The following THSD7A variants were observed in gnomAD, a reference collection of about 807,000 sequenced individuals.
The protein encoded by THSD7A is thrombospondin type-1 domain-containing protein 7A.
THSD7A carries 96 observed loss-of-function variants against 231.3 expected under a neutral mutation model. The observed-to-expected ratio is 0.41, with a 90% confidence interval of 0.35 to 0.49. The LOEUF (loss-of-function observed/expected upper bound fraction) is 0.49, where lower values mean the gene tolerates loss of function less well. THSD7A is among the 20% of genes least tolerant of loss of function. The pLI, the probability that THSD7A is intolerant of heterozygous loss-of-function variation, is 0.05. For missense variants in THSD7A, 2,290 were observed against 2,070.2 expected, an observed-to-expected ratio of 1.11 and a Z score of -2.06; for synonymous variants, 940 against 743.3, an observed-to-expected ratio of 1.26 and a Z score of -4.30.
At chr7:11,624,141 C>G (rs1360883441) in intron 2 of THSD7A, among the ~76,000 whole-genome samples, 1 of 152,058 alleles carries the variant, frequency 6.6e-6, no homozygotes, top group African/African-American at 2.4e-5. Context: ...TGAATTTCCA[C>G]TTGAGTTGAT....
intron 1 of THSD7A, among the ~76,000 whole-genome samples, chr7:11,697,638 A>T (rs1396343584): frequency 6.6e-6 from 1 of 151,388 alleles, no homozygotes; most frequent in African/African-American, 2.4e-5. Context: ...AATAATAATC[A>T]TTGATATTTT....
intron 23 of THSD7A, among the ~76,000 whole-genome samples, chr7:11,388,623 G>A (rs1429070017): frequency 1.3e-5 from 2 of 151,890 alleles, no homozygotes; most frequent in Non-Finnish European, 2.9e-5. Context: ...CTATTTTGTT[G>A]ATCTTTTCAA....
intron 23 of THSD7A, among the ~76,000 whole-genome samples, chr7:11,394,998 C>T (rs1335468624): frequency 2.0e-5 from 3 of 152,010 alleles, no homozygotes; most frequent in African/African-American, 4.8e-5. Flanking sequence ...GGGCTAAATG[C>T]CCCAATTAAA....
chr7:11,827,216 C>A (rs1430070759), intron 1 of THSD7A, among the ~76,000 whole-genome samples: 1 of 152,054 alleles, frequency 6.6e-6, no homozygotes, highest in Non-Finnish European at 1.5e-5. Context: ...AAATTCTGGG[C>A]TTTTCCTCCT....
chr7:11,786,379 G>C (rs1027363473), intron 1 of THSD7A, among the ~76,000 whole-genome samples: 1 of 152,048 alleles, frequency 6.6e-6, no homozygotes, highest in Non-Finnish European at 1.5e-5. Context: ...AAACAAACAG[G>C]AGAGCTTGCC....
At chr7:11,434,403 C>G (rs1026344023) in intron 13 of THSD7A, among the ~76,000 whole-genome samples, 2 of 152,052 alleles carry the variant, frequency 1.3e-5, no homozygotes, top group African/African-American at 2.4e-5. Flanking sequence ...AAAGTGGCAA[C>G]TGGAGGACAT....
chr7:11,481,654 C>G, intron 7 of THSD7A, 134 bp downstream of exon 7: 1 of 887,268 alleles, frequency 1.1e-6, no homozygotes, highest in Non-Finnish European at 1.6e-6. Flanking sequence ...AACACATCAA[C>G]AGATATTAAA....
chr7:11,411,911 T>G lies in THSD7A; in HGVS notation c.3683-589A>C, dbSNP rs1273969671. On this transcript the variant is annotated intron_variant, in intron 18 of 27. Coordinates refer to ENST00000423059, the MANE Select transcript of THSD7A (RefSeq NM_015204.3). The surrounding 1 kb of genome is among the most constrained non-coding windows in gnomAD (Gnocchi z 4.1). The stretch of plus-strand genomic sequence containing the variant: ...ACATCCCAGATAACTGTGATTTTTT[T>G]TTTTTGTATCATCAAAGGAAACTGA... 1.3e-5 allele frequency among the ~76,000 whole-genome samples: 2 copies of G among 152,238 alleles called. No homozygotes were observed. Among genetic ancestry groups the G allele is most frequent in the South Asian group, 4.1e-4 (2 of 4,824 alleles).
intron 1 of THSD7A, among the ~76,000 whole-genome samples, chr7:11,773,636 A>T (rs949038098): frequency 1.3e-5 from 2 of 152,162 alleles, no homozygotes; most frequent in Non-Finnish European, 2.9e-5. Context: ...TGAATACATA[A>T]GACTTTGAAT....
intron 26 of THSD7A, 188 bp downstream of exon 26, chr7:11,378,882 C>A: frequency 3.3e-6 from 2 of 599,322 alleles, no homozygotes; most frequent in Non-Finnish European, 5.6e-6. Flanking sequence ...TTTCTCTGAA[C>A]TTCAAACATG....
In THSD7A at chr7:11,636,514, C is replaced by T. The variant is rs1209387305; in HGVS notation, c.638G>A (p.Gly213Glu). The change falls in exon 2 of 28, where the codon GGG (glycine) becomes GAG (glutamate). Residue 213 changes from glycine (G) to glutamate (E), a missense_variant. Physicochemically the swap from Gly to Glu is moderately conservative, Grantham distance 98. Coordinates refer to ENST00000423059, the MANE Select transcript of THSD7A (RefSeq NM_015204.3). The surrounding 1 kb of genome is among the most constrained non-coding windows in gnomAD (Gnocchi z 10.0). ...WSECSKTCGS[G>E]LQHRTRHVVA... ...CACATGACGCGTCCGGTGCTGGAGCCCGCTGCCGCAGGTCTTGGAGCATTC... is the reference window on the plus strand; with the variant it reads ...CACATGACGCGTCCGGTGCTGGAGCTCGCTGCCGCAGGTCTTGGAGCATTC... 1 of 1,613,896 alleles carries T rather than the reference C, an allele frequency of 6.2e-7. No individual in the cohort carries two copies. Among genetic ancestry groups the T allele is most frequent in the South Asian group, 1.1e-5 (1 of 91,076 alleles).
intron 6 of THSD7A, among the ~76,000 whole-genome samples, chr7:11,530,037 G>A (rs1415367227): frequency 6.6e-6 from 1 of 152,136 alleles, no homozygotes; most frequent in Non-Finnish European, 1.5e-5. Context: ...TAAGGAACTT[G>A]CCAAATAAAG....
intron 6 of THSD7A, among the ~76,000 whole-genome samples, chr7:11,516,885 A>C (rs1213470361): frequency 6.6e-6 from 1 of 152,170 alleles, no homozygotes; most frequent in Non-Finnish European, 1.5e-5. Flanking sequence ...CATATACATC[A>C]CTATATTGCC....
chr7:11,804,560 C>T (rs182979284), intron 1 of THSD7A, among the ~76,000 whole-genome samples: 1 of 152,232 alleles, frequency 6.6e-6, no homozygotes, highest in Non-Finnish European at 1.5e-5. Context: ...AAGTGATACA[C>T]AAAGTGCTAT....
chr7:11,572,867 T>A (rs531406600), intron 4 of THSD7A, among the ~76,000 whole-genome samples: 1 of 152,152 alleles, frequency 6.6e-6, no homozygotes, highest in Admixed American at 6.5e-5. Flanking sequence ...ATAATGGGTC[T>A]TTTTCTTCTC....
At chr7:11,390,983 G>C (rs1296122603) in intron 23 of THSD7A, among the ~76,000 whole-genome samples, 1 of 152,218 alleles carries the variant, frequency 6.6e-6, no homozygotes, top group Non-Finnish European at 1.5e-5. Flanking sequence ...ATCCCAGAGG[G>C]GCACCTGCCA....
chr7:11,778,547 C>T (rs1783513453), intron 1 of THSD7A, among the ~76,000 whole-genome samples: 1 of 151,812 alleles, frequency 6.6e-6, no homozygotes, highest in African/African-American at 2.4e-5. Context: ...ATGGCAGAGT[C>T]GAGGAAGAAG....
At position 11,406,928 on chromosome 7, in the gene THSD7A, C is replaced by A; in HGVS notation, c.4044G>T (p.Trp1348Cys). Residue 1348 changes from tryptophan (W) to cysteine (C), a missense_variant, in exon 21 of 28, where the codon TGG becomes TGT. Physicochemically the swap from Trp to Cys is radical, Grantham distance 215. Coordinates refer to ENST00000423059, the MANE Select transcript of THSD7A (RefSeq NM_015204.3). This position sits in a 1 kb window ranked among gnomAD's most constrained non-coding sequence, Gnocchi z 4.7. ...KPCYRWQYGQWSPCQVQEAQC... is the reference protein window; with the variant it reads ...KPCYRWQYGQCSPCQVQEAQC... Reference sequence around the variant, plus strand: ...TTGATACCTGCACTTGGCATGGAGACCACTGGCCATATTGCCACCGATAAC... The same window carrying A: ...TTGATACCTGCACTTGGCATGGAGAACACTGGCCATATTGCCACCGATAAC... 9 of 1,613,780 alleles carry A rather than the reference C, an allele frequency of 5.6e-6. No homozygotes were observed. The highest frequency in any genetic ancestry group is 6.8e-6 in the Non-Finnish European group (8 of 1,179,846).
In THSD7A at chr7:11,474,008, T is replaced by G. The variant is rs1041805555; in HGVS notation, c.2252+326A>C. On this transcript the variant is annotated intron_variant, in intron 8 of 27. Transcript: ENST00000423059. This position sits in a 1 kb window ranked among gnomAD's most constrained non-coding sequence, Gnocchi z 4.1. The stretch of plus-strand genomic sequence containing the variant: ...ATGGATGACCTACACTGCCAGGACC[T>G]AGTACACTGTCATTATTGATCAGCC... 7.2e-5 allele frequency among the ~76,000 whole-genome samples: 11 copies of G among 152,160 alleles called. No individual in the cohort carries two copies. Among genetic ancestry groups the G allele is most frequent in the African/African-American group, 2.2e-4 (9 of 41,446 alleles).
Sources: allele counts gnomAD v4.1 joint callset (sites outside exome capture counted in the v4.1 genomes callset), GRCh38; gene constraint gnomAD v4.1.1; non-coding constraint Gnocchi (gnomAD v3.1); transcripts MANE v1.5; gene names NCBI Gene and HGNC (gene_info 2026-07-23, HGNC 2026-07-21).